MAGI1: variants seen among roughly 807,000 people sequenced by gnomAD.
MAGI1 encodes membrane-associated guanylate kinase, WW and PDZ domain-containing protein 1.
A neutral mutation model predicts 139.9 loss-of-function variants in MAGI1; 58 were observed. That is an observed-to-expected ratio of 0.41 (90% CI 0.34 to 0.52). MAGI1 has a LOEUF of 0.52. Ranked by LOEUF, MAGI1 falls within the 20% of genes least tolerant of loss-of-function variation. The pLI is 0.12. For synonymous variants in MAGI1, 812 were observed against 737.9 expected, an observed-to-expected ratio of 1.10 and a Z score of -1.63; for missense variants, 1,874 against 1,901.6, an observed-to-expected ratio of 0.99 and a Z score of 0.27.
chr3:65,551,486 G>C (rs949524769), intron 2 of MAGI1, among the ~76,000 whole-genome samples: 10 of 152,068 alleles, frequency 6.6e-5, no homozygotes, highest in Non-Finnish European at 1.5e-4. Flanking sequence ...GTTTTTAGTA[G>C]AGACAGGGTT....
intron 1 of MAGI1, among the ~76,000 whole-genome samples, chr3:65,709,773 T>C (rs558625168): frequency 5.9e-5 from 9 of 152,350 alleles, no homozygotes; most frequent in South Asian, 2.1e-4. Flanking sequence ...AGATTAAAAC[T>C]TGAAGATATG....
chr3:65,552,689 G>A (rs1247994785), intron 2 of MAGI1, among the ~76,000 whole-genome samples: 2 of 152,052 alleles, frequency 1.3e-5, no homozygotes, highest in East Asian at 3.9e-4. Context: ...CTTTTCTTGG[G>A]GCCCTGATCC....
chr3:65,631,325 T>C (rs1284239929), intron 1 of MAGI1, among the ~76,000 whole-genome samples: 1 of 152,222 alleles, frequency 6.6e-6, no homozygotes, highest in Non-Finnish European at 1.5e-5. Context: ...GTGTAGGATG[T>C]GTAGGATCAT....
At chr3:66,031,091 A>T (rs2068565031) in intron 1 of MAGI1, among the ~76,000 whole-genome samples, 1 of 152,334 alleles carries the variant, frequency 6.6e-6, no homozygotes. Flanking sequence ...ACCAGTGTGT[A>T]CTAGGGATTT....
chr3:65,776,689 G>T (rs916642606), intron 1 of MAGI1, among the ~76,000 whole-genome samples: 2 of 152,136 alleles, frequency 1.3e-5, no homozygotes, highest in African/African-American at 4.8e-5. Flanking sequence ...ACAGAAAACG[G>T]TACTCCCCCC....
At chr3:66,022,345 G>A (rs1026643446) in intron 1 of MAGI1, among the ~76,000 whole-genome samples, 3 of 152,122 alleles carry the variant, frequency 2.0e-5, no homozygotes, top group Non-Finnish European at 2.9e-5. Flanking sequence ...ACAGCTACAT[G>A]AATTTTTCCT....
intron 5 of MAGI1, among the ~76,000 whole-genome samples, chr3:65,465,332 G>C (rs1277621045): frequency 6.7e-6 from 1 of 149,518 alleles, no homozygotes; most frequent in Non-Finnish European, 1.5e-5. Context: ...CATTGTTTTT[G>C]TTGGTTGTTT....
chr3:65,436,287 T>A (rs556054454), intron 10 of MAGI1, among the ~76,000 whole-genome samples: 2 of 152,162 alleles, frequency 1.3e-5, no homozygotes, highest in Non-Finnish European at 2.9e-5. Flanking sequence ...ACAAATTTTA[T>A]AGTATTTTTA....
intron 2 of MAGI1, among the ~76,000 whole-genome samples, chr3:65,606,820 G>A (rs142887369): frequency 3.9e-5 from 6 of 151,954 alleles, no homozygotes; most frequent in African/African-American, 1.4e-4. Context: ...ACCCAGCCCG[G>A]CTAATTTTTG....
intron 1 of MAGI1, among the ~76,000 whole-genome samples, chr3:65,646,725 C>T (rs2085286134): frequency 6.6e-6 from 1 of 151,856 alleles, no homozygotes; most frequent in Non-Finnish European, 1.5e-5. Flanking sequence ...GAGAACCAAA[C>T]TAGAAATAAA....
intron 14 of MAGI1, among the ~76,000 whole-genome samples, chr3:65,388,735 A>G (rs1447581614): frequency 2.0e-5 from 3 of 151,098 alleles, no homozygotes; most frequent in Non-Finnish European, 4.4e-5. Flanking sequence ...AACTACAGAG[A>G]CTCCAATTAC....
At chr3:65,394,217 G>T (rs1034203777) in intron 13 of MAGI1, among the ~76,000 whole-genome samples, 9 of 152,150 alleles carry the variant, frequency 5.9e-5, no homozygotes, top group African/African-American at 2.2e-4. Context: ...TACTGGAAAT[G>T]CTTGGGCCAT....
intron 1 of MAGI1, among the ~76,000 whole-genome samples, chr3:65,894,644 G>A (rs1300708082): frequency 6.6e-6 from 1 of 152,198 alleles, no homozygotes; most frequent in Non-Finnish European, 1.5e-5. Context: ...GATAGTCCTT[G>A]AAAAGACTAG....
chr3:65,521,715 T>C (rs2078171344), intron 2 of MAGI1, among the ~76,000 whole-genome samples: 1 of 152,142 alleles, frequency 6.6e-6, no homozygotes, highest in African/African-American at 2.4e-5. Context: ...AATGAGTCAT[T>C]TCAGGCCCAA....
chr3:65,785,536 G>A (rs2039311002), intron 1 of MAGI1, among the ~76,000 whole-genome samples: 1 of 152,184 alleles, frequency 6.6e-6, no homozygotes, highest in Non-Finnish European at 1.5e-5. Flanking sequence ...TGTCATACAA[G>A]AGGTTATACA....
chr3:66,002,518 T>C (rs1193052048), intron 1 of MAGI1, among the ~76,000 whole-genome samples: 2 of 152,108 alleles, frequency 1.3e-5, no homozygotes, highest in African/African-American at 4.8e-5. Flanking sequence ...ATTTTTCTTT[T>C]CTTTTTTTGT....
intron 3 of MAGI1, among the ~76,000 whole-genome samples, chr3:65,483,571 G>A (rs373789865): frequency 2.2e-4 from 33 of 152,308 alleles, no homozygotes; most frequent in South Asian, 1.0e-3. Flanking sequence ...AACTTAATTG[G>A]GGCTATCACT....
At chr3:65,454,297 C>G (rs796957130) in intron 5 of MAGI1, among the ~76,000 whole-genome samples, 31 of 151,282 alleles carry the variant, frequency 2.0e-4, no homozygotes, top group African/African-American at 6.8e-4. Flanking sequence ...AACCAAACAC[C>G]GCATATTCTC....
chr3:65,446,846 C>T (rs1427376144), intron 7 of MAGI1, among the ~76,000 whole-genome samples: 3 of 152,130 alleles, frequency 2.0e-5, no homozygotes, highest in South Asian at 2.1e-4. Flanking sequence ...AAAAATAGAT[C>T]CATCAATAGT....
Sources: allele counts gnomAD v4.1 joint callset (sites outside exome capture counted in the v4.1 genomes callset), GRCh38; gene constraint gnomAD v4.1.1; transcripts MANE v1.5; gene names NCBI Gene and HGNC (gene_info 2026-07-23, HGNC 2026-07-21).